FCRL4: variants seen among roughly 807,000 people sequenced by gnomAD.
FCRL4 encodes the protein Fc receptor-like protein 4.
A neutral mutation model predicts 64.1 loss-of-function variants in FCRL4; 43 were observed. The observed-to-expected ratio is 0.67, with a 90% CI of 0.53 to 0.87. The LOEUF (loss-of-function observed/expected upper bound fraction) is 0.87. Among genes scored for constraint, FCRL4 ranks in the 40% least tolerant of loss-of-function variants. The pLI, the probability that FCRL4 is intolerant of heterozygous loss-of-function variation, is 0.00. For missense variants in FCRL4, 656 were observed against 613.5 expected, an observed-to-expected ratio of 1.07 and a Z score of -0.73; for synonymous variants, 253 against 239.8, an observed-to-expected ratio of 1.05 and a Z score of -0.51.
chr1:157,596,387 A>G (rs753041348), intron 1 of FCRL4, 39 bp from the exon 2 acceptor site: 3 of 1,613,332 alleles, frequency 1.9e-6, no homozygotes, highest in Non-Finnish European at 2.5e-6. Context: ...GCGTAGGCGA[A>G]GAGTCCCGAA....
At chr1:157,585,354 CTT>C (rs1338255997) in intron 6 of FCRL4, among the ~76,000 whole-genome samples, 1 of 61,504 alleles carries the variant, frequency 1.6e-5, no homozygotes, top group African/African-American at 7.1e-5. Context: ...CTCTTTCTTT[CTT>C]TCTTTCTTTC....
At chr1:157,590,174 A>C (rs1652807710) in intron 2 of FCRL4, among the ~76,000 whole-genome samples, 1 of 152,164 alleles carries the variant, frequency 6.6e-6, no homozygotes, top group Non-Finnish European at 1.5e-5. Context: ...CCAGAAGCCC[A>C]AAACTCCTTT....
chr1:157,587,889 T>C lies in FCRL4; in HGVS notation c.538A>G (p.Asn180Asp), dbSNP rs767377454. Reference sequence around the variant, plus strand: ...CCTTGAATTTTAATTATTTTGAAATTTGATCTAAATACATCATTCTCGTCT... The same window carrying C: ...CCTTGAATTTTAATTATTTTGAAATCTGATCTAAATACATCATTCTCGTCT... ...YGDENDVFRS[N>D]FKIIKIQELF... Residue 180 changes from asparagine (N) to aspartate (D), a missense_variant, in exon 4 of 12, where the codon AAT becomes GAT. Physicochemically the swap from Asn to Asp is conservative, Grantham distance 23 (BLOSUM62 1). Transcript: ENST00000271532. 6.2e-7 allele frequency: 1 copy of C among 1,607,194 alleles called. No homozygotes were observed.
chr1:157,597,785 C>A, intron 1 of FCRL4, 129 bp downstream of exon 1: 1 of 627,018 alleles, frequency 1.6e-6, no homozygotes. Flanking sequence ...ATTATCTTTC[C>A]TTTTTGTTCA....
At position 157,589,570 on chromosome 1, in the gene FCRL4, C is replaced by T. The variant is rs1025986858; in HGVS notation, c.53-112G>A. The T allele has an allele frequency of 2.9e-5, 39 of 1,341,766 alleles. No homozygotes were observed. The East Asian group carries it at 3.4e-4, about 12-fold the overall frequency. The allele number at this position is 1,341,766 out of a possible 1,614,324, so 83.1% of individuals were successfully genotyped here. A position where few individuals can be genotyped will look rare whatever the true frequency, so the allele number is the denominator to read the frequency against. ...GCTTGGGAGATCCCTAAGATGCCCC[C>T]GGATGACTTCTGTTTACCCAGGTTG... On this transcript the variant is annotated intron_variant, in intron 2 of 11. Transcript: ENST00000271532.
intron 7 of FCRL4, among the ~76,000 whole-genome samples, 181 bp downstream of exon 7, chr1:157,581,350 G>A (rs1055704296): frequency 6.6e-6 from 1 of 152,154 alleles, no homozygotes; most frequent in African/African-American, 2.4e-5. Context: ...CTCATTCATG[G>A]CTTCTGTTTG....
At chr1:157,580,858 C>T (rs1466944392) in intron 7 of FCRL4, among the ~76,000 whole-genome samples, 1 of 152,176 alleles carries the variant, frequency 6.6e-6, no homozygotes, top group Non-Finnish European at 1.5e-5. Flanking sequence ...TATTCTAGAG[C>T]TGAAAAAGGT....
chr1:157,575,637 C>T (rs368411125), intron 11 of FCRL4, 27 bp from the exon 12 acceptor site: 56 of 1,611,774 alleles, frequency 3.5e-5, no homozygotes, highest in Middle Eastern at 3.3e-4. Flanking sequence ...AAGTGGAAAC[C>T]GAGAGGGAGT....
intron 6 of FCRL4, among the ~76,000 whole-genome samples, chr1:157,584,114 C>G (rs1652621014): frequency 6.6e-6 from 1 of 152,188 alleles, no homozygotes; most frequent in African/African-American, 2.4e-5. Context: ...TCACTGTTAT[C>G]TCCTCAGAGA....
intron 10 of FCRL4, among the ~76,000 whole-genome samples, chr1:157,575,956 C>T (rs1004473171): frequency 1.3e-5 from 2 of 152,136 alleles, no homozygotes; most frequent in Admixed American, 6.6e-5. Flanking sequence ...TAAAGTCCTC[C>T]ATCAATACCA....
In FCRL4 at chr1:157,587,678, G is replaced by A. The variant is rs1652734806; in HGVS notation, c.563-118C>T. 3.9e-5 allele frequency: 47 copies of A among 1,209,052 alleles called. No individual in the cohort carries two copies. In the South Asian group the frequency reaches 7.0e-4, roughly 18 times the overall value. 74.9% of individuals were successfully genotyped at this position (1,209,052 alleles called of 1,614,324 possible). Reference sequence around the variant, plus strand: ...ACACACAGCAAGACAAACTTATCAAGCCCTCTATCACAGTTTTCTTCTACA... The same window carrying A: ...ACACACAGCAAGACAAACTTATCAAACCCTCTATCACAGTTTTCTTCTACA... On this transcript the variant is annotated intron_variant, in intron 4 of 11. Coordinates refer to ENST00000271532, the MANE Select transcript of FCRL4 (RefSeq NM_031282.3).
chr1:157,587,306 G>A lies in FCRL4; in HGVS notation c.817C>T (p.His273Tyr). ...ACATGGATCTGTAGCGAGGGACTGT[G>A]CTTGTGGATGTTACCCCTCACTGTT... ...AETVRGNIHKHSPSLQIHVQR... is the reference protein window; with the variant it reads ...AETVRGNIHKYSPSLQIHVQR... Residue 273 changes from histidine to tyrosine, a missense_variant, in exon 5 of 12, where the codon CAC becomes TAC. Transcript: ENST00000271532. 1.2e-6 allele frequency: 2 copies of A among 1,614,238 alleles called. No homozygotes were observed. The highest frequency in any genetic ancestry group is 1.7e-6 in the Non-Finnish European group (2 of 1,180,042).
At position 157,586,330 on chromosome 1, in the gene FCRL4, G is replaced by A. The variant is rs150720118; in HGVS notation, c.973C>T (p.Arg325Ter). The A allele has an allele frequency of 6.1e-5, 98 of 1,613,614 alleles. No individual in the cohort carries two copies. Among genetic ancestry groups the A allele is most frequent in the Non-Finnish European group, 8.0e-5 (94 of 1,179,980 alleles). The change falls in exon 6 of 12, where the codon CGA becomes TGA. Residue 325 changes from arginine (R) to a stop codon, truncating the protein, a stop_gained. Coordinates refer to ENST00000271532, the MANE Select transcript of FCRL4 (RefSeq NM_031282.3). LOFTEE classifies it high-confidence loss of function. ...GTGDTTFSWH[R>*]EDMQESLGRK... Reference sequence around the variant, plus strand: ...CCCAGACTCTCCTGCATGTCCTCTCGGTGCCAGGAGAATGTGGTATCCCCT... The same window carrying A: ...CCCAGACTCTCCTGCATGTCCTCTCAGTGCCAGGAGAATGTGGTATCCCCT...
intron 2 of FCRL4, among the ~76,000 whole-genome samples, chr1:157,589,692 T>A (rs1001429497): frequency 6.6e-6 from 1 of 152,206 alleles, no homozygotes; most frequent in African/African-American, 2.4e-5. Context: ...CCTGGCAGGA[T>A]CCACTCAGCA....
At chr1:157,580,626 C>T (rs1652539319) in intron 7 of FCRL4, 1 of 432,834 alleles carries the variant, frequency 2.3e-6, no homozygotes, top group Non-Finnish European at 4.2e-6. Context: ...TTACATATAA[C>T]AAAAGTGTCA....
intron 3 of FCRL4, 117 bp downstream of exon 3, chr1:157,589,087 A>G: frequency 8.7e-7 from 1 of 1,145,164 alleles, no homozygotes; most frequent in Admixed American, 2.5e-5. Context: ...ATGAAACTAA[A>G]GGAGCTGGGA....
At chr1:157,592,366 C>T (rs1652857577) in intron 2 of FCRL4, among the ~76,000 whole-genome samples, 1 of 151,930 alleles carries the variant, frequency 6.6e-6, no homozygotes, top group Admixed American at 6.6e-5. Context: ...GGCTAATATC[C>T]AGAATCTACA....
intron 10 of FCRL4, among the ~76,000 whole-genome samples, chr1:157,576,358 G>C (rs1044998290): frequency 1.3e-5 from 2 of 152,150 alleles, no homozygotes; most frequent in Non-Finnish European, 2.9e-5. Flanking sequence ...GTTTCTCTCT[G>C]TTTCTTACTG....
intron 10 of FCRL4, among the ~76,000 whole-genome samples, chr1:157,577,499 A>G (rs1411304886): frequency 6.6e-6 from 1 of 152,206 alleles, no homozygotes; most frequent in Non-Finnish European, 1.5e-5. Flanking sequence ...AAACAATGAG[A>G]AAAAAGGACA....
Sources: allele counts gnomAD v4.1 joint callset (sites outside exome capture counted in the v4.1 genomes callset), GRCh38; gene constraint gnomAD v4.1.1; transcripts MANE v1.5; gene names NCBI Gene and HGNC (gene_info 2026-07-23, HGNC 2026-07-21).